The following TMEM132D variants were observed in gnomAD, a reference collection of about 807,000 sequenced individuals.
TMEM132D encodes transmembrane protein 132D, also known as mature OL transmembrane protein.
Under a neutral mutation model 62.3 loss-of-function variants are expected in TMEM132D, and 21 were observed. The ratio of observed to expected loss-of-function variants is 0.34; its 90% CI spans 0.24 to 0.49. The LOEUF is 0.49. TMEM132D is among the 20% of genes least tolerant of loss of function. TMEM132D has a pLI of 0.99. For missense variants in TMEM132D, 1,346 were observed against 1,402.8 expected, an observed-to-expected ratio of 0.96 and a Z score of 0.65; for synonymous variants, 621 against 575.6, an observed-to-expected ratio of 1.08 and a Z score of -1.13.
intron 3 of TMEM132D, among the ~76,000 whole-genome samples, chr12:129,387,843 T>G (rs867645067): frequency 3.0e-5 from 2 of 67,584 alleles, no homozygotes; most frequent in South Asian, 6.2e-4. Flanking sequence ...AACACCGACA[T>G]CAATACTAAC....
chr12:129,717,154 A>ACCG (rs1380346813), intron 1 of TMEM132D, among the ~76,000 whole-genome samples: 1 of 152,084 alleles, frequency 6.6e-6, no homozygotes, highest in Non-Finnish European at 1.5e-5. Context: ...AACCTGAACA[A>ACCG]CCGTACACGA....
chr12:129,459,948 A>G (rs1311418413), intron 3 of TMEM132D, among the ~76,000 whole-genome samples: 1 of 152,180 alleles, frequency 6.6e-6, no homozygotes, highest in African/African-American at 2.4e-5. Context: ...AAAATTGCCA[A>G]TTTAGGGACT....
chr12:129,703,455 C>T (rs1484674369), intron 1 of TMEM132D, among the ~76,000 whole-genome samples: 1 of 91,118 alleles, frequency 1.1e-5, no homozygotes, highest in Non-Finnish European at 2.2e-5. Context: ...AAGCTAGTGT[C>T]ACTTCCTTTC....
chr12:129,513,973 G>A (rs190961749), intron 3 of TMEM132D, among the ~76,000 whole-genome samples: 4 of 150,932 alleles, frequency 2.7e-5, no homozygotes, highest in East Asian at 4.0e-4. Flanking sequence ...GAGTAGCTGG[G>A]ACTACAGGCG....
intron 1 of TMEM132D, among the ~76,000 whole-genome samples, chr12:129,776,746 C>T (rs1022573583): frequency 2.9e-5 from 4 of 138,952 alleles, no homozygotes; most frequent in East Asian, 2.2e-4. Flanking sequence ...ATAGTGGCAA[C>T]GACATGTCAG....
intron 2 of TMEM132D, among the ~76,000 whole-genome samples, chr12:129,692,610 A>C (rs1368024174): frequency 6.6e-6 from 1 of 152,248 alleles, no homozygotes; most frequent in Non-Finnish European, 1.5e-5. Context: ...ATGCCCATCA[A>C]TGATAGACTG....
intron 3 of TMEM132D, among the ~76,000 whole-genome samples, chr12:129,527,171 T>C (rs541436948): frequency 2.0e-5 from 3 of 152,108 alleles, no homozygotes; most frequent in Non-Finnish European, 4.4e-5. Context: ...TAGCCAGGTG[T>C]GGTGGTGCAC....
At chr12:129,116,172 G>C (rs1259298074) in intron 5 of TMEM132D, among the ~76,000 whole-genome samples, 4 of 152,178 alleles carry the variant, frequency 2.6e-5, no homozygotes, top group Non-Finnish European at 5.9e-5. Context: ...CTTCACCTGG[G>C]GAGTCCAAGG....
At chr12:129,151,803 G>A (rs1480729274) in intron 5 of TMEM132D, among the ~76,000 whole-genome samples, 2 of 151,690 alleles carry the variant, frequency 1.3e-5, no homozygotes, top group Non-Finnish European at 2.9e-5. Flanking sequence ...TGGTTCCTCT[G>A]CGAATATTTG....
intron 1 of TMEM132D, among the ~76,000 whole-genome samples, chr12:129,751,446 G>T (rs1198205830): frequency 1.3e-5 from 2 of 152,154 alleles, no homozygotes; most frequent in South Asian, 4.1e-4. Flanking sequence ...ATTACAATTT[G>T]TGATGAGATT....
chr12:129,125,712 A>G (rs1876193699), intron 5 of TMEM132D, among the ~76,000 whole-genome samples: 1 of 150,894 alleles, frequency 6.6e-6, no homozygotes, highest in Admixed American at 6.6e-5. Context: ...TATGTTGCCT[A>G]GGCTGGCCTT....
At chr12:129,151,012 TC>T (rs1426651209) in intron 5 of TMEM132D, among the ~76,000 whole-genome samples, 1 of 152,104 alleles carries the variant, frequency 6.6e-6, no homozygotes. Flanking sequence ...CCCTGGAGGA[TC>T]CCAGAAGCCC....
At chr12:129,469,790 C>A (rs969153434) in intron 3 of TMEM132D, among the ~76,000 whole-genome samples, 1 of 152,178 alleles carries the variant, frequency 6.6e-6, no homozygotes, top group African/African-American at 2.4e-5. Flanking sequence ...AAGATTTAAA[C>A]CACAGAGTCA....
At chr12:129,515,395 G>A (rs1318492115) in intron 3 of TMEM132D, among the ~76,000 whole-genome samples, 4 of 152,144 alleles carry the variant, frequency 2.6e-5, no homozygotes, top group African/African-American at 9.7e-5. Context: ...CAAATTGGTA[G>A]GGCACTACCA....
intron 3 of TMEM132D, among the ~76,000 whole-genome samples, chr12:129,475,287 C>T (rs1309951216): frequency 6.6e-6 from 1 of 152,148 alleles, no homozygotes; most frequent in East Asian, 1.9e-4. Flanking sequence ...CAAAGAAGGC[C>T]ACTGTGGCCG....
chr12:129,768,727 G>A (rs921806826), intron 1 of TMEM132D, among the ~76,000 whole-genome samples: 3 of 152,146 alleles, frequency 2.0e-5, no homozygotes, highest in Non-Finnish European at 2.9e-5. Flanking sequence ...CAGCTCTGCC[G>A]ATGCTGGCAA....
intron 3 of TMEM132D, among the ~76,000 whole-genome samples, chr12:129,492,402 A>T (rs1874822728): frequency 6.6e-6 from 1 of 152,238 alleles, no homozygotes; most frequent in African/African-American, 2.4e-5. Context: ...AAAGTGATGG[A>T]ACATAAGTAC....
At chr12:129,224,565 C>A (rs576038342) in intron 4 of TMEM132D, among the ~76,000 whole-genome samples, 1 of 152,256 alleles carries the variant, frequency 6.6e-6, no homozygotes, top group African/African-American at 2.4e-5. Context: ...AGAATATAGT[C>A]TATTTAGAAA....
At chr12:129,613,117 G>A (rs1878819311) in intron 2 of TMEM132D, among the ~76,000 whole-genome samples, 1 of 151,982 alleles carries the variant, frequency 6.6e-6, no homozygotes, top group Admixed American at 6.6e-5. Context: ...CTAGAACTAC[G>A]AGTTGGTTAG....
Sources: allele counts gnomAD v4.1 joint callset (sites outside exome capture counted in the v4.1 genomes callset), GRCh38; gene constraint gnomAD v4.1.1; transcripts MANE v1.5; gene names NCBI Gene and HGNC (gene_info 2026-07-23, HGNC 2026-07-21).